WDFY3: variants seen among roughly 807,000 people sequenced by gnomAD.
The protein encoded by WDFY3 is WD repeat and FYVE domain-containing protein 3.
WDFY3 carries 66 observed loss-of-function variants against 409.6 expected under a neutral mutation model. The observed-to-expected ratio is 0.16, with a 90% CI of 0.13 to 0.20. WDFY3 has a LOEUF of 0.20. Among genes scored for constraint, WDFY3 ranks in the 10% least tolerant of loss-of-function variants. The pLI is 1.00. For missense variants in WDFY3, 3,031 were observed against 4,298.1 expected, an observed-to-expected ratio of 0.71 and a Z score of 8.24; for synonymous variants, 1,521 against 1,537.1, an observed-to-expected ratio of 0.99 and a Z score of 0.25.
At position 84,737,308 on chromosome 4, in the gene WDFY3, C is replaced by T. The variant is rs764353131; in HGVS notation, c.6633G>A (p.Lys2211=). 2.5e-6 allele frequency: 4 copies of T among 1,613,670 alleles called. No homozygotes were observed. The highest frequency in any genetic ancestry group is 2.7e-5 in the African/African-American group (2 of 74,872). The change falls in exon 41 of 68, where the codon AAG becomes AAA. Residue 2211 remains lysine (K), a synonymous_variant. Transcript: ENST00000295888. ...TGAAAAGTTCCTCTAAGACTTGTTT[C>T]TTACTATGTATCAGTTCAGTCCAAA... ...NRVWTELIHS[K]KQVLEELFKV... is the part of the protein sequence containing the mutation.
chr4:84,767,215 C>A (rs771358291), intron 30 of WDFY3, among the ~76,000 whole-genome samples: 1 of 151,796 alleles, frequency 6.6e-6, no homozygotes, highest in Non-Finnish European at 1.5e-5. Context: ...CTGTTACAGT[C>A]ATCTGTGATC....
intron 17 of WDFY3, among the ~76,000 whole-genome samples, chr4:84,799,995 G>C (rs182659796): frequency 7.8e-4 from 119 of 151,994 alleles, no homozygotes; most frequent in African/African-American, 2.3e-3. Flanking sequence ...CTCTCTCTCT[G>C]TGTGTTTCTC....
At chr4:84,862,956 G>A (rs1042380303) in intron 3 of WDFY3, among the ~76,000 whole-genome samples, 2 of 152,214 alleles carry the variant, frequency 1.3e-5, no homozygotes, top group Non-Finnish European at 2.9e-5. Flanking sequence ...ATATCATACA[G>A]TATTTGTCTT....
At chr4:84,816,353 G>A (rs939910350) in intron 13 of WDFY3, among the ~76,000 whole-genome samples, 30 of 152,076 alleles carry the variant, frequency 2.0e-4, no homozygotes, top group Non-Finnish European at 1.5e-4. Flanking sequence ...GCTTTACAAA[G>A]AGACTACATG....
At chr4:84,734,827 C>T (rs79146030) in intron 43 of WDFY3, among the ~76,000 whole-genome samples, 7 of 152,086 alleles carry the variant, frequency 4.6e-5, no homozygotes, top group Non-Finnish European at 1.0e-4. Context: ...CAGTTAGTTG[C>T]TTTTTGAAAT....
chr4:84,944,692 G>A (rs1222513596), intron 1 of WDFY3, among the ~76,000 whole-genome samples: 1 of 151,514 alleles, frequency 6.6e-6, no homozygotes, highest in African/African-American at 2.4e-5. Flanking sequence ...AGGCATGGTG[G>A]CTAAGACAGG....
At position 84,744,525 on chromosome 4, in the gene WDFY3, A is replaced by G. The variant is rs183886978; in HGVS notation, c.5974-726T>C. On this transcript the variant is annotated intron_variant, in intron 36 of 67. Transcript: ENST00000295888. Reference sequence around the variant, plus strand: ...GGGAGGATCACATGATTTTGAGTCAAGCCTGTGCAATACAGCAAGAACCTT... The same window carrying G: ...GGGAGGATCACATGATTTTGAGTCAGGCCTGTGCAATACAGCAAGAACCTT... Among the ~76,000 whole-genome samples the G allele has an allele frequency of 5.1e-3, 780 of 152,250 alleles. 10 individuals are homozygous for G. Among genetic ancestry groups the G allele is most frequent in the African/African-American group, 0.018 (750 of 41,550 alleles).
intron 3 of WDFY3, among the ~76,000 whole-genome samples, chr4:84,876,420 G>A (rs1464391390): frequency 6.6e-6 from 1 of 151,944 alleles, no homozygotes; most frequent in Non-Finnish European, 1.5e-5. Context: ...TCCTTATCTG[G>A]AAAAAAAGAA....
chr4:84,723,816 G>C (rs981064293), intron 46 of WDFY3, among the ~76,000 whole-genome samples: 2 of 152,132 alleles, frequency 1.3e-5, no homozygotes, highest in South Asian at 4.1e-4. Context: ...GATGTGTTAA[G>C]GTAGGGATAA....
At chr4:84,944,301 G>A (rs1323158403) in intron 1 of WDFY3, among the ~76,000 whole-genome samples, 1 of 151,894 alleles carries the variant, frequency 6.6e-6, no homozygotes, top group Admixed American at 6.6e-5. Flanking sequence ...GAGGGGGATG[G>A]ATCACTTGAG....
intron 2 of WDFY3, among the ~76,000 whole-genome samples, chr4:84,902,815 T>C (rs1766516758): frequency 1.3e-5 from 2 of 152,230 alleles, no homozygotes. Context: ...ATTCAAACTG[T>C]AGCTCTGCCA....
chr4:84,714,944 C>T (rs1258857732), intron 50 of WDFY3, among the ~76,000 whole-genome samples: 9 of 141,146 alleles, frequency 6.4e-5, no homozygotes, highest in African/African-American at 1.6e-4. Context: ...AACGAGACTC[C>T]GTCTCAAAAA....
chr4:84,678,466 C>T (rs966251816), intron 65 of WDFY3, among the ~76,000 whole-genome samples, 187 bp from the exon 66 acceptor site: 1 of 152,142 alleles, frequency 6.6e-6, no homozygotes, highest in African/African-American at 2.4e-5. Flanking sequence ...TAACATGGGC[C>T]AGGCTGGAGA....
intron 13 of WDFY3, among the ~76,000 whole-genome samples, chr4:84,811,397 T>C (rs1350353908): frequency 6.6e-6 from 1 of 152,210 alleles, no homozygotes; most frequent in Admixed American, 6.6e-5. Flanking sequence ...ACTAGCTTAT[T>C]TAATCCTTTC....
intron 3 of WDFY3, among the ~76,000 whole-genome samples, chr4:84,886,697 A>G (rs763267766): frequency 6.6e-6 from 1 of 152,116 alleles, no homozygotes; most frequent in Admixed American, 6.6e-5. Flanking sequence ...TGGTTTTTCA[A>G]TAGGTATTAG....
intron 1 of WDFY3, among the ~76,000 whole-genome samples, chr4:84,957,938 T>A (rs1449796754): frequency 1.3e-5 from 2 of 152,230 alleles, no homozygotes; most frequent in South Asian, 2.1e-4. Flanking sequence ...AACAGAAGTG[T>A]GAATGAGCCA....
At chr4:84,890,161 A>G (rs192947236) in intron 3 of WDFY3, among the ~76,000 whole-genome samples, 1 of 152,112 alleles carries the variant, frequency 6.6e-6, no homozygotes, top group African/African-American at 2.4e-5. Context: ...GTACAGTGGC[A>G]CGACCATGGC....
chr4:84,718,005 G>A (rs558104693), intron 48 of WDFY3, among the ~76,000 whole-genome samples: 3 of 132,920 alleles, frequency 2.3e-5, no homozygotes, highest in African/African-American at 5.8e-5. Flanking sequence ...CCGAGATTGC[G>A]CCACTGCCAC....
intron 62 of WDFY3, among the ~76,000 whole-genome samples, chr4:84,685,486 T>C (rs981311982): frequency 6.6e-6 from 1 of 152,244 alleles, no homozygotes. Flanking sequence ...CATTTCTGAC[T>C]ATAAGTGTCA....
Sources: allele counts gnomAD v4.1 joint callset (sites outside exome capture counted in the v4.1 genomes callset), GRCh38; gene constraint gnomAD v4.1.1; transcripts MANE v1.5; gene names NCBI Gene and HGNC (gene_info 2026-07-23, HGNC 2026-07-21).